Variants in PPP1R1C observed in about 807,000 individuals in gnomAD.
PPP1R1C encodes protein phosphatase 1 regulatory inhibitor subunit 1C, also known as protein phosphatase 1 regulatory subunit 1C.
A neutral mutation model predicts 17.4 loss-of-function variants in PPP1R1C; 15 were observed. The observed-to-expected ratio is 0.86, with a 90% CI of 0.58 to 1.33. PPP1R1C has a LOEUF of 1.33. Ranked by LOEUF, PPP1R1C falls within the 40% of genes most tolerant of loss-of-function variation. PPP1R1C has a pLI of 0.00. For synonymous variants in PPP1R1C, 35 were observed against 43.1 expected (o/e 0.81, Z 0.73); for missense variants, 143 against 130.0 (o/e 1.10, Z -0.48).
At chr2:182,078,167 C>G (rs1688369877) in intron 4 of PPP1R1C, among the ~76,000 whole-genome samples, 2 of 152,092 alleles carry the variant, frequency 1.3e-5, no homozygotes, top group Admixed American at 1.3e-4. Context: ...GTGAAAAGAA[C>G]CTGAGCCCCT....
intron 2 of PPP1R1C, among the ~76,000 whole-genome samples, chr2:182,014,701 G>A (rs186817819): frequency 2.0e-4 from 30 of 152,122 alleles, no homozygotes; most frequent in African/African-American, 5.8e-4. Flanking sequence ...AACAGGGAAC[G>A]TTAGTAACCT....
chr2:182,117,267 A>G lies in PPP1R1C; in HGVS notation c.302A>G (p.Asn101Ser), dbSNP rs760410290. 7 of 1,564,084 alleles carry G rather than the reference A, an allele frequency of 4.5e-6. No homozygotes were observed. The highest frequency in any genetic ancestry group is 1.4e-5 in the African/African-American group (1 of 73,548). The change falls in exon 5 of 5, where the codon AAT becomes AGT. Residue 101 changes from asparagine (N) to serine (S), a missense_variant. Physicochemically the swap from Asn to Ser is conservative, Grantham distance 46. Transcript: ENST00000682840. ...SAFPEEEEGT[N>S]EREEQRDH Reference sequence around the variant, plus strand: ...TTCCCTGAAGAAGAAGAAGGCACCAATGAAAGAGAGGAGCAGCGGGACCAT... The same window carrying G: ...TTCCCTGAAGAAGAAGAAGGCACCAGTGAAAGAGAGGAGCAGCGGGACCAT...
At chr2:182,107,168 A>C (rs867058746) in intron 4 of PPP1R1C, among the ~76,000 whole-genome samples, 8 of 152,226 alleles carry the variant, frequency 5.3e-5, no homozygotes, top group Admixed American at 6.5e-5. Context: ...GGGGAAAATG[A>C]ACTTGCCAGA....
At chr2:182,067,055 C>T (rs181188707) in intron 4 of PPP1R1C, among the ~76,000 whole-genome samples, 63 of 151,822 alleles carry the variant, frequency 4.1e-4, no homozygotes, top group African/African-American at 1.1e-3. Flanking sequence ...TTGATTTAAA[C>T]GGAAATTGGA....
At chr2:182,021,468 C>A (rs1369669173) in intron 2 of PPP1R1C, among the ~76,000 whole-genome samples, 2 of 151,896 alleles carry the variant, frequency 1.3e-5, no homozygotes, top group Admixed American at 6.6e-5. Flanking sequence ...GCTGGGACTA[C>A]AGGTGCGAGA....
At chr2:181,993,483 T>C (rs1350350817) in intron 2 of PPP1R1C, among the ~76,000 whole-genome samples, 2 of 152,180 alleles carry the variant, frequency 1.3e-5, no homozygotes, top group African/African-American at 4.8e-5. Context: ...CATACTTATG[T>C]TGCATTTTAA....
chr2:182,057,283 G>C (rs1290590136), intron 2 of PPP1R1C, among the ~76,000 whole-genome samples: 1 of 152,162 alleles, frequency 6.6e-6, no homozygotes, highest in African/African-American at 2.4e-5. Flanking sequence ...ATGGTGATAA[G>C]TTCTATGAGA....
intron 1 of PPP1R1C, among the ~76,000 whole-genome samples, chr2:181,971,649 G>A (rs1685010266): frequency 6.6e-6 from 1 of 152,122 alleles, no homozygotes. Context: ...CCAAGGAATT[G>A]CAGTCCTTGA....
chr2:182,014,661 T>G (rs1319167579), intron 2 of PPP1R1C, among the ~76,000 whole-genome samples: 2 of 151,964 alleles, frequency 1.3e-5, no homozygotes, highest in Non-Finnish European at 2.9e-5. Context: ...AGGGTAGATC[T>G]AGAAATGTTG....
chr2:182,069,529 C>A (rs1258694582), intron 4 of PPP1R1C, among the ~76,000 whole-genome samples: 1 of 151,934 alleles, frequency 6.6e-6, no homozygotes, highest in Non-Finnish European at 1.5e-5. Flanking sequence ...TGAACTTCAT[C>A]TTTTATGACA....
intron 2 of PPP1R1C, among the ~76,000 whole-genome samples, chr2:182,009,413 G>T (rs1686026072): frequency 6.6e-6 from 1 of 151,920 alleles, no homozygotes; most frequent in Non-Finnish European, 1.5e-5. Flanking sequence ...ATACCTATTT[G>T]CCATTTGTAT....
rs373046786 is a variant in PPP1R1C, at chr2:181,957,097, C to G, written n.111+2463C>G. ...AACTCAGGCCAGGTGCAGTGGTTCACGCCTGTAATCTCACCACTTTGGGAG... is the reference window on the plus strand; with the variant it reads ...AACTCAGGCCAGGTGCAGTGGTTCAGGCCTGTAATCTCACCACTTTGGGAG... On this transcript the variant is annotated intron_variant and non_coding_transcript_variant, in intron 1 of 5. Coordinates refer to the PPP1R1C transcript ENST00000464264. This position sits in a 1 kb window ranked among gnomAD's most constrained non-coding sequence, Gnocchi z 4.2. Among the ~76,000 whole-genome samples, 1 of 152,162 alleles carries G rather than the reference C, an allele frequency of 6.6e-6. No homozygotes were observed. The highest frequency in any genetic ancestry group is 1.5e-5 in the Non-Finnish European group (1 of 68,038).
chr2:181,980,610 C>T (rs1685174492), intron 2 of PPP1R1C, among the ~76,000 whole-genome samples: 1 of 152,206 alleles, frequency 6.6e-6, no homozygotes, highest in Non-Finnish European at 1.5e-5. Context: ...CTGATGTCAA[C>T]TCACTGCTAT....
At chr2:181,971,587 C>T (rs1170594776) in intron 1 of PPP1R1C, among the ~76,000 whole-genome samples, 1 of 152,138 alleles carries the variant, frequency 6.6e-6, no homozygotes, top group African/African-American at 2.4e-5. Flanking sequence ...CTCACTAGGT[C>T]ACGTTCCCTG....
chr2:181,961,125 C>T lies in PPP1R1C; in HGVS notation n.111+6491C>T. 5.0e-6 allele frequency: 3 copies of T among 598,830 alleles called. No individual in the cohort carries two copies. The highest frequency in any genetic ancestry group is 9.0e-6 in the Non-Finnish European group (3 of 332,166). 37.1% of individuals were successfully genotyped at this position (598,830 alleles called of 1,614,324 possible). ...CATAGCAGTTTTCTTGTCTTCCTTCCCTCCCTTCCTTCCTTCCTTTCACCT... is the reference window on the plus strand; with the variant it reads ...CATAGCAGTTTTCTTGTCTTCCTTCTCTCCCTTCCTTCCTTCCTTTCACCT... On this transcript the variant is annotated intron_variant and non_coding_transcript_variant, in intron 1 of 5. Coordinates refer to the PPP1R1C transcript ENST00000464264. The surrounding 1 kb of genome is among the most constrained non-coding windows in gnomAD (Gnocchi z 5.8).
chr2:182,004,146 T>C (rs1344744924), intron 2 of PPP1R1C, among the ~76,000 whole-genome samples: 1 of 152,218 alleles, frequency 6.6e-6, no homozygotes, highest in Non-Finnish European at 1.5e-5. Flanking sequence ...AAAAGTGTAA[T>C]ACTTCTTCCA....
intron 2 of PPP1R1C, among the ~76,000 whole-genome samples, chr2:182,023,040 A>G (rs1559060039): frequency 6.6e-6 from 1 of 152,236 alleles, no homozygotes; most frequent in Non-Finnish European, 1.5e-5. Flanking sequence ...CAAAATATAA[A>G]GAAATGGAAT....
intron 2 of PPP1R1C, among the ~76,000 whole-genome samples, chr2:182,009,892 G>C (rs1221169954): frequency 6.6e-6 from 1 of 151,864 alleles, no homozygotes; most frequent in East Asian, 1.9e-4. Flanking sequence ...TCCTTCCCTT[G>C]TTATACGTTT....
intron 2 of PPP1R1C, among the ~76,000 whole-genome samples, chr2:182,036,703 T>TTGTG (rs948003275): frequency 2.0e-5 from 3 of 150,916 alleles, no homozygotes; most frequent in South Asian, 2.1e-4. Flanking sequence ...CTCTATGTGT[T>TTGTG]TGTGTGTGTG....
Sources: gnomAD v4.1 joint callset for allele counts (sites outside exome capture counted in the v4.1 genomes callset) on GRCh38, gnomAD v4.1.1 for gene constraint, Gnocchi (gnomAD v3.1) non-coding constraint, MANE v1.5 for transcripts, NCBI Gene and HGNC (gene_info 2026-07-23, HGNC 2026-07-21) for gene names.